AFF3: variants seen among roughly 807,000 people sequenced by gnomAD.
AFF3 encodes ALF transcription elongation factor 3, also known as AF4/FMR2 family member 3.
In AFF3, 32 loss-of-function variants were observed where a neutral mutation model predicts 129.7. The ratio of observed to expected loss-of-function variants is 0.25; its 90% CI spans 0.19 to 0.33. The LOEUF is 0.33. Ranked by LOEUF, AFF3 falls within the 10% of genes least tolerant of loss-of-function variation. The pLI is 1.00. For synonymous variants in AFF3, 644 were observed against 635.4 expected (o/e 1.01, Z -0.20); for missense variants, 1,373 against 1,592.0 (o/e 0.86, Z 2.34).
chr2:99,785,697 C>T lies in AFF3; in HGVS notation c.922-33396G>A, dbSNP rs180965137. ...TCTTCAGAAAACTTCCTACTTTTCACATACACTCAAGAAATTCTGAGAGTT... is the reference window on the plus strand; with the variant it reads ...TCTTCAGAAAACTTCCTACTTTTCATATACACTCAAGAAATTCTGAGAGTT... On this transcript the variant is annotated intron_variant, in intron 8 of 24. Coordinates refer to ENST00000672756, the MANE Select transcript of AFF3 (RefSeq NM_001386135.1). 1.6e-4 allele frequency among the ~76,000 whole-genome samples: 25 copies of T among 152,314 alleles called. No homozygotes were observed. In the East Asian group the frequency reaches 2.1e-3, roughly 13 times the overall value.
At chr2:99,998,436 C>T (rs749763040) in intron 7 of AFF3, among the ~76,000 whole-genome samples, 4 of 151,834 alleles carry the variant, frequency 2.6e-5, no homozygotes, top group Non-Finnish European at 5.9e-5. Flanking sequence ...TAGAGCATCC[C>T]TCGGGGGATG....
At chr2:99,854,547 G>A (rs936568748) in intron 7 of AFF3, among the ~76,000 whole-genome samples, 7 of 152,070 alleles carry the variant, frequency 4.6e-5, no homozygotes, top group South Asian at 2.1e-4. Context: ...AACTTATTAC[G>A]GAAAAATCCA....
intron 4 of AFF3, among the ~76,000 whole-genome samples, chr2:100,086,849 GAATCA>G (rs1363268467): frequency 7.2e-5 from 11 of 152,234 alleles, no homozygotes; most frequent in African/African-American, 2.4e-4. Flanking sequence ...TTAATAGCTT[GAATCA>G]TTTCTATCTG....
rs757281158 is a variant in AFF3 at position 99,601,591 on chromosome 2, G to C, written c.1215C>G (p.Thr405=). The change falls in exon 14 of 25, where the codon ACC becomes ACG. Residue 405 remains threonine, a synonymous_variant. Coordinates refer to ENST00000672756, the MANE Select transcript of AFF3 (RefSeq NM_001386135.1). The stretch of plus-strand genomic sequence containing the variant: ...TGCTGCCCTTGCTGGAAGGCACCGA[G>C]GTTCTGCAGTTGGGCTGCTGGACCA... ...SAVVQQPNCR[T]SVPSSKGSSS... 1 of 1,598,772 alleles carries C rather than the reference G, an allele frequency of 6.3e-7. No homozygotes were observed. Among genetic ancestry groups the C allele is most frequent in the Non-Finnish European group, 8.5e-7 (1 of 1,177,118 alleles).
At chr2:99,848,699 G>A (rs920236407) in intron 7 of AFF3, among the ~76,000 whole-genome samples, 3 of 152,162 alleles carry the variant, frequency 2.0e-5, no homozygotes, top group Non-Finnish European at 2.9e-5. Context: ...AATTAAGTCA[G>A]TAAGTATAAA....
chr2:99,809,594 T>C (rs553810944), intron 8 of AFF3, among the ~76,000 whole-genome samples: 12 of 152,330 alleles, frequency 7.9e-5, no homozygotes, highest in Admixed American at 4.6e-4. Flanking sequence ...TTTGCCTCCA[T>C]TGGCTGTCAC....
At chr2:100,004,201 C>T (rs1681726813) in intron 7 of AFF3, among the ~76,000 whole-genome samples, 1 of 152,098 alleles carries the variant, frequency 6.6e-6, no homozygotes, top group Non-Finnish European at 1.5e-5. Flanking sequence ...AATAACCTTG[C>T]AGGTTATTTT....
At chr2:99,780,547 A>G (rs1684318620) in intron 8 of AFF3, among the ~76,000 whole-genome samples, 1 of 152,172 alleles carries the variant, frequency 6.6e-6, no homozygotes, top group South Asian at 2.1e-4. Context: ...CTGAATGCCA[A>G]ACTTGTGCAT....
chr2:100,072,465 C>T (rs116430789), intron 4 of AFF3, among the ~76,000 whole-genome samples: 1,645 of 152,268 alleles, frequency 0.011, 27 homozygotes, highest in African/African-American at 0.038. Flanking sequence ...TTAAATGAAC[C>T]CTTGGCCTTT....
At chr2:99,774,179 C>T (rs1004203125) in intron 8 of AFF3, among the ~76,000 whole-genome samples, 1 of 152,134 alleles carries the variant, frequency 6.6e-6, no homozygotes, top group African/African-American at 2.4e-5. Context: ...TTTATAGATT[C>T]AATGCTATTC....
rs549158836 is a variant in AFF3 at position 99,826,593 on chromosome 2, G to A, written c.921+10884C>T. On this transcript the variant is annotated intron_variant, in intron 8 of 24. Transcript: ENST00000672756. ...GTCAGGGGTAGGCAGAGCATGTGCC[G>A]GGGTGGGGAAGAGCATGAGTTGCGC... Among the ~76,000 whole-genome samples the A allele has an allele frequency of 8.5e-5, 13 of 152,238 alleles. No individual in the cohort carries two copies. In the East Asian group the frequency reaches 2.3e-3, roughly 27 times the overall value.
chr2:99,835,813 G>A (rs1688830527), intron 8 of AFF3, among the ~76,000 whole-genome samples: 1 of 152,090 alleles, frequency 6.6e-6, no homozygotes, highest in Admixed American at 6.5e-5. Flanking sequence ...TGATCCGGTG[G>A]GTCCACGTTC....
intron 8 of AFF3, among the ~76,000 whole-genome samples, chr2:99,772,403 T>C (rs574760125): frequency 6.6e-6 from 1 of 152,254 alleles, no homozygotes; most frequent in East Asian, 1.9e-4. Flanking sequence ...TCAGGAACAA[T>C]GTACACACAA....
At chr2:100,052,843 G>A (rs561016583) in intron 4 of AFF3, among the ~76,000 whole-genome samples, 38 of 152,290 alleles carry the variant, frequency 2.5e-4, no homozygotes, top group Non-Finnish European at 5.1e-4. Flanking sequence ...TCCTCCAGCC[G>A]CCTTCCCCAG....
intron 13 of AFF3, among the ~76,000 whole-genome samples, chr2:99,647,843 A>G (rs1370262740): frequency 6.6e-6 from 1 of 152,194 alleles, no homozygotes; most frequent in East Asian, 1.9e-4. Flanking sequence ...AGTGGTGACA[A>G]TGAAAACCTC....
intron 8 of AFF3, among the ~76,000 whole-genome samples, chr2:99,810,450 T>C (rs541780850): frequency 2.0e-5 from 3 of 152,354 alleles, no homozygotes; most frequent in African/African-American, 7.2e-5. Context: ...ACCTATTGCT[T>C]ACTTAAGCCA....
chr2:99,868,740 A>C (rs796242923), intron 7 of AFF3, among the ~76,000 whole-genome samples: 13 of 152,286 alleles, frequency 8.5e-5, no homozygotes, highest in African/African-American at 3.1e-4. Context: ...CTTTTGTATG[A>C]AGCTGTCTCT....
At chr2:99,801,947 T>C (rs1314619291) in intron 8 of AFF3, among the ~76,000 whole-genome samples, 7 of 152,246 alleles carry the variant, frequency 4.6e-5, no homozygotes, top group East Asian at 1.9e-4. Flanking sequence ...TGCATGCATA[T>C]GCAGGTTTTT....
chr2:99,915,633 T>A (rs1009661821), intron 7 of AFF3, among the ~76,000 whole-genome samples: 3 of 152,192 alleles, frequency 2.0e-5, no homozygotes, highest in African/African-American at 7.2e-5. Flanking sequence ...AACAATTTTT[T>A]AATTATTAAA....
Sources: gnomAD v4.1 joint callset for allele counts (sites outside exome capture counted in the v4.1 genomes callset) on GRCh38, gnomAD v4.1.1 for gene constraint, MANE v1.5 for transcripts, NCBI Gene and HGNC (gene_info 2026-07-23, HGNC 2026-07-21) for gene names.